CMTM8: variants seen among roughly 807,000 people sequenced by gnomAD.
CMTM8 encodes the protein CKLF-like MARVEL transmembrane domain-containing protein 8.
In CMTM8, 12 loss-of-function variants were observed where a neutral mutation model predicts 18.6. The observed-to-expected ratio is 0.65, with a 90% CI of 0.41 to 1.05. The LOEUF (loss-of-function observed/expected upper bound fraction) is 1.05. Ranked by LOEUF, CMTM8 falls within the 50% of genes least tolerant of loss-of-function variation. The pLI, the probability that CMTM8 is intolerant of heterozygous loss-of-function variation, is 0.00. For synonymous variants in CMTM8, 87 were observed against 90.6 expected (o/e 0.96, Z 0.23); for missense variants, 217 against 227.2 (o/e 0.95, Z 0.29).
chr3:32,302,108 G>A (rs1358423854), intron 1 of CMTM8, among the ~76,000 whole-genome samples: 4 of 147,656 alleles, frequency 2.7e-5, no homozygotes, highest in Non-Finnish European at 6.0e-5. Flanking sequence ...CAAGGCAGGA[G>A]ACCAACATGG....
intron 1 of CMTM8, among the ~76,000 whole-genome samples, chr3:32,278,337 C>T (rs779996442): frequency 4.6e-5 from 7 of 152,120 alleles, no homozygotes; most frequent in African/African-American, 1.7e-4. Flanking sequence ...AATGTGAGAG[C>T]GGATGGTATG....
intron 1 of CMTM8, among the ~76,000 whole-genome samples, chr3:32,268,232 G>GGC (rs1702378949): frequency 6.6e-6 from 1 of 152,122 alleles, no homozygotes; most frequent in South Asian, 2.1e-4. Flanking sequence ...AAGAAAATGT[G>GGC]GCACATATAC....
intron 1 of CMTM8, among the ~76,000 whole-genome samples, chr3:32,351,805 A>G (rs560454597): frequency 2.0e-5 from 3 of 152,304 alleles, no homozygotes; most frequent in African/African-American, 7.2e-5. Context: ...TATTTGCCAC[A>G]TATATAGTTG....
At chr3:32,302,064 G>A (rs1420502211) in intron 1 of CMTM8, among the ~76,000 whole-genome samples, 2 of 151,312 alleles carry the variant, frequency 1.3e-5, no homozygotes, top group African/African-American at 4.9e-5. Flanking sequence ...CAGACATGGT[G>A]GCTCATGCCT....
In CMTM8 at chr3:32,238,966, C is replaced by T. The variant is rs111757170; in HGVS notation, c.-7C>T. ...TGGGGACGCGCCAGCCCGGCAGTGG[C>T]TCGACGATGGAGGAGCCGCAGCGCG... On this transcript the variant is annotated 5_prime_UTR_variant, in exon 1 of 4. Transcript: ENST00000307526. 1.2e-4 allele frequency: 187 copies of T among 1,546,634 alleles called. 2 individuals carry two copies. In the African/African-American group the frequency reaches 2.1e-3, roughly 17 times the overall value.
chr3:32,336,000 G>A (rs1179729221), intron 1 of CMTM8, among the ~76,000 whole-genome samples: 2 of 152,208 alleles, frequency 1.3e-5, no homozygotes, highest in East Asian at 1.9e-4. Context: ...GGCCCTCCAG[G>A]GCAGCGACTC....
intron 1 of CMTM8, among the ~76,000 whole-genome samples, chr3:32,248,050 A>G (rs1239038583): frequency 1.3e-5 from 2 of 152,180 alleles, no homozygotes; most frequent in African/African-American, 4.8e-5. Context: ...TCAGTACTTC[A>G]TTATTTTTAA....
intron 2 of CMTM8, among the ~76,000 whole-genome samples, chr3:32,366,218 C>T (rs1697030238): frequency 6.6e-6 from 1 of 152,190 alleles, no homozygotes; most frequent in Non-Finnish European, 1.5e-5. Flanking sequence ...CTGCCTTCTA[C>T]TCACGTCTCT....
chr3:32,267,087 T>C (rs1439695435), intron 1 of CMTM8, among the ~76,000 whole-genome samples: 1 of 152,028 alleles, frequency 6.6e-6, no homozygotes, highest in Non-Finnish European at 1.5e-5. Context: ...CTTCACAGAA[T>C]TGGAAAAAAC....
intron 1 of CMTM8, among the ~76,000 whole-genome samples, chr3:32,346,499 G>T (rs918209796): frequency 5.3e-5 from 8 of 152,176 alleles, no homozygotes; most frequent in African/African-American, 1.9e-4. Context: ...GGGACAGCAG[G>T]GTAGGTGTCT....
intron 1 of CMTM8, among the ~76,000 whole-genome samples, chr3:32,327,183 T>C (rs1245939541): frequency 1.3e-5 from 2 of 152,180 alleles, no homozygotes; most frequent in Non-Finnish European, 2.9e-5. Flanking sequence ...AACTCAAGTT[T>C]ACATGGAAAC....
intron 1 of CMTM8, among the ~76,000 whole-genome samples, chr3:32,263,045 T>A (rs1007267743): frequency 1.3e-5 from 2 of 152,220 alleles, no homozygotes; most frequent in Non-Finnish European, 2.9e-5. Context: ...CAGCTCCCAG[T>A]GTGAACGATG....
In CMTM8 at chr3:32,259,084, C is replaced by G. The variant is rs144502729; in HGVS notation, c.147+19965C>G. 449 of 376,776 alleles carry G rather than the reference C, an allele frequency of 1.2e-3. 2 individuals carry two copies. Among genetic ancestry groups the G allele is most frequent in the African/African-American group, 8.1e-3 (385 of 47,290 alleles). The allele number at this position is 376,776 out of a possible 1,614,324, so 23.3% of individuals were successfully genotyped here. ...GAGGGCAGGGGGTGGCTCTGGTTCC[C>G]GGATCACCGTGTCCTGCTCCACCAG... On this transcript the variant is annotated intron_variant, in intron 1 of 3. Transcript: ENST00000307526.
intron 1 of CMTM8, among the ~76,000 whole-genome samples, chr3:32,284,528 T>C (rs1009981832): frequency 9.2e-5 from 14 of 152,202 alleles, no homozygotes; most frequent in Admixed American, 9.2e-4. Context: ...CATTGGGTTA[T>C]CTATTGAAAA....
At chr3:32,280,718 C>A (rs931138850) in intron 1 of CMTM8, among the ~76,000 whole-genome samples, 1 of 151,894 alleles carries the variant, frequency 6.6e-6, no homozygotes, top group African/African-American at 2.4e-5. Flanking sequence ...AGTCAAGACC[C>A]GTCACTGGTA....
At chr3:32,285,663 G>A (rs1242733980) in intron 1 of CMTM8, among the ~76,000 whole-genome samples, 1 of 152,150 alleles carries the variant, frequency 6.6e-6, no homozygotes, top group Non-Finnish European at 1.5e-5. Flanking sequence ...TAAATTGGGT[G>A]ATGGATGTAT....
At chr3:32,367,065 A>G (rs1482632215) in intron 2 of CMTM8, among the ~76,000 whole-genome samples, 1 of 152,002 alleles carries the variant, frequency 6.6e-6, no homozygotes, top group Admixed American at 6.6e-5. Context: ...TCTCCAAGTT[A>G]CTGAGGGAAA....
intron 1 of CMTM8, among the ~76,000 whole-genome samples, chr3:32,313,949 G>A (rs985781013): frequency 2.6e-5 from 4 of 152,062 alleles, no homozygotes; most frequent in Non-Finnish European, 4.4e-5. Flanking sequence ...AGCCATGATC[G>A]TACCACTGCA....
At chr3:32,353,272 G>A (rs1696749809) in intron 1 of CMTM8, among the ~76,000 whole-genome samples, 1 of 152,212 alleles carries the variant, frequency 6.6e-6, no homozygotes, top group South Asian at 2.1e-4. Flanking sequence ...GGGATTATAG[G>A]CGTGAGCAGC....
Sources: gnomAD v4.1 joint callset for allele counts (sites outside exome capture counted in the v4.1 genomes callset) on GRCh38, gnomAD v4.1.1 for gene constraint, MANE v1.5 for transcripts, NCBI Gene and HGNC (gene_info 2026-07-23, HGNC 2026-07-21) for gene names.